The following FAT3 variants were observed in gnomAD, a reference collection of about 807,000 sequenced individuals.
The protein encoded by FAT3 is protocadherin Fat 3.
Under a neutral mutation model 310.2 loss-of-function variants are expected in FAT3, and 95 were observed. The ratio of observed to expected loss-of-function variants is 0.31; its 90% CI spans 0.26 to 0.36. The LOEUF is 0.36. Ranked by LOEUF, FAT3 falls within the 10% of genes least tolerant of loss-of-function variation. FAT3 has a pLI of 1.00. For synonymous variants in FAT3, 2,314 were observed against 2,192.9 expected (o/e 1.06, Z -1.54); for missense variants, 5,408 against 5,715.6 (o/e 0.95, Z 1.74).
rs1387924343 is a variant in FAT3 at position 92,430,971 on chromosome 11, A to G, written c.3292+75567A>G. Among the ~76,000 whole-genome samples, 5 of 152,274 alleles carry G rather than the reference A, an allele frequency of 3.3e-5. No homozygotes were observed. The East Asian group carries it at 7.7e-4, about 24-fold the overall frequency. ...TTGTGAATAGTGCCGCAATAAACAT[A>G]CGTGTGCATGTGTCTTTATAGCAGC... On this transcript the variant is annotated intron_variant, in intron 2 of 27. Coordinates refer to ENST00000525166, the MANE Select transcript of FAT3 (RefSeq NM_001367949.2).
At chr11:92,737,838 G>GT (rs1462536130) in intron 4 of FAT3, among the ~76,000 whole-genome samples, 1 of 152,012 alleles carries the variant, frequency 6.6e-6, no homozygotes, top group East Asian at 1.9e-4. Context: ...GTTCAATTGT[G>GT]TAACAGTGTT....
At chr11:92,622,294 G>A (rs1941124531) in intron 3 of FAT3, among the ~76,000 whole-genome samples, 1 of 149,150 alleles carries the variant, frequency 6.7e-6, no homozygotes. Context: ...AAAAAAAAAT[G>A]GTGGAACATA....
intron 2 of FAT3, among the ~76,000 whole-genome samples, chr11:92,398,500 C>CAAAA: frequency 1.2e-5 from 1 of 80,694 alleles, no homozygotes; most frequent in Non-Finnish European, 2.5e-5. Flanking sequence ...AACTCCGTCC[C>CAAAA]AAAAAAAAAA....
intron 3 of FAT3, among the ~76,000 whole-genome samples, chr11:92,529,836 C>T (rs561156038): frequency 6.6e-6 from 1 of 152,286 alleles, no homozygotes; most frequent in African/African-American, 2.4e-5. Flanking sequence ...CTGGCATCTC[C>T]ACTTGTATTT....
chr11:92,779,131 G>A lies in FAT3; in HGVS notation c.4335+4951G>A, dbSNP rs142639930. Among the ~76,000 whole-genome samples, 209 of 152,210 alleles carry A rather than the reference G, an allele frequency of 1.4e-3. 1 individual carries two copies. The highest frequency in any genetic ancestry group is 4.9e-3 in the African/African-American group (203 of 41,518). Reference sequence around the variant, plus strand: ...TGAGGAATCACAAGGAGCATTGGCTGTTATGAGCAAGGGAGGAATAGAGAG... The same window carrying A: ...TGAGGAATCACAAGGAGCATTGGCTATTATGAGCAAGGGAGGAATAGAGAG... On this transcript the variant is annotated intron_variant, in intron 7 of 27. Coordinates refer to ENST00000525166, the MANE Select transcript of FAT3 (RefSeq NM_001367949.2).
chr11:92,226,236 C>T (rs1055482731), intron 1 of FAT3, among the ~76,000 whole-genome samples: 3 of 152,212 alleles, frequency 2.0e-5, no homozygotes, highest in African/African-American at 7.2e-5. Context: ...CCCCGGCTTG[C>T]ATGATGGCGA....
intron 2 of FAT3, among the ~76,000 whole-genome samples, chr11:92,420,970 A>G (rs2134977472): frequency 2.0e-5 from 3 of 152,260 alleles, no homozygotes; most frequent in Admixed American, 2.0e-4. Flanking sequence ...CTCATAAAAT[A>G]CCCAGTTTGA....
intron 19 of FAT3, among the ~76,000 whole-genome samples, chr11:92,851,132 C>T (rs944042744): frequency 2.6e-5 from 4 of 152,152 alleles, no homozygotes; most frequent in Admixed American, 6.5e-5. Flanking sequence ...AAGCCCCAGG[C>T]TTTATTCTGT....
chr11:92,671,644 A>G (rs1006694990), intron 3 of FAT3, among the ~76,000 whole-genome samples: 5 of 151,986 alleles, frequency 3.3e-5, no homozygotes, highest in African/African-American at 1.2e-4. Flanking sequence ...ATTGTTTCCA[A>G]TCCCATATTT....
Position 92,238,243 on chromosome 11 carries a change from A to T in FAT3, c.-18+13069A>T, listed in dbSNP as rs141058386. On this transcript the variant is annotated intron_variant, in intron 1 of 27. Coordinates refer to ENST00000525166, the MANE Select transcript of FAT3 (RefSeq NM_001367949.2). ...GAGGGCTGAGTATTTTTCTTCAAAAATTATGCTAATTTTACAGTCTGTTCC... is the reference window on the plus strand; with the variant it reads ...GAGGGCTGAGTATTTTTCTTCAAAATTTATGCTAATTTTACAGTCTGTTCC... Among the ~76,000 whole-genome samples the T allele has an allele frequency of 7.0e-3, 1,067 of 152,286 alleles. 15 individuals are homozygous for T. Among genetic ancestry groups the T allele is most frequent in the African/African-American group, 0.024 (1,009 of 41,576 alleles).
chr11:92,431,223 T>G lies in FAT3; in HGVS notation c.3292+75819T>G. Among the ~76,000 whole-genome samples, 3 of 152,350 alleles carry G rather than the reference T, an allele frequency of 2.0e-5. No individual in the cohort carries two copies. In the Middle Eastern group the frequency reaches 0.01, roughly 518 times the overall value. ...TCATTCTAACTGGTGTGAGATGATA[T>G]CTCATTGTGGTTTTGATTTGCATTT... is the stretch of plus-strand genomic sequence containing the variant. On this transcript the variant is annotated intron_variant, in intron 2 of 27. Transcript: ENST00000525166.
intron 2 of FAT3, among the ~76,000 whole-genome samples, chr11:92,395,770 G>C (rs753041860): frequency 3.9e-5 from 6 of 151,904 alleles, no homozygotes; most frequent in Non-Finnish European, 7.4e-5. Context: ...ATAGAGACAG[G>C]GTTTCACCAT....
chr11:92,377,128 AATACAGGCT>A (rs2134744803), intron 2 of FAT3, among the ~76,000 whole-genome samples: 1 of 152,350 alleles, frequency 6.6e-6, no homozygotes, highest in Non-Finnish European at 1.5e-5. Context: ...AGTGAAACCC[AATACAGGCT>A]CATGCATGGG....
Position 92,805,435 on chromosome 11 carries a change from G to A in FAT3, c.9093+86G>A, listed in dbSNP as rs1046033362. On this transcript the variant is annotated intron_variant, in intron 11 of 27. Transcript: ENST00000525166. ...ATTTCACTTTTCTTCTTAAGGCCAGGCAAACTTCTGCTCTTATCTGCAATT... is the reference window on the plus strand; with the variant it reads ...ATTTCACTTTTCTTCTTAAGGCCAGACAAACTTCTGCTCTTATCTGCAATT... The A allele has an allele frequency of 5.7e-6, 8 of 1,400,508 alleles. No homozygotes were observed. In the African/African-American group the frequency reaches 1.0e-4, roughly 18 times the overall value. The allele number at this position is 1,400,508 out of a possible 1,614,324, so 86.8% of individuals were successfully genotyped here.
chr11:92,477,351 G>C (rs1437314878), intron 2 of FAT3, among the ~76,000 whole-genome samples: 1 of 152,192 alleles, frequency 6.6e-6, no homozygotes, highest in Non-Finnish European at 1.5e-5. Flanking sequence ...AATACAAACT[G>C]TCAGACTTCT....
chr11:92,242,433 T>A (rs1453917044), intron 1 of FAT3, among the ~76,000 whole-genome samples: 1 of 151,968 alleles, frequency 6.6e-6, no homozygotes, highest in African/African-American at 2.4e-5. Flanking sequence ...TAAGTGCAAT[T>A]TTTAAAGTAA....
intron 3 of FAT3, among the ~76,000 whole-genome samples, chr11:92,581,660 G>A (rs892839769): frequency 2.0e-5 from 3 of 151,956 alleles, no homozygotes; most frequent in African/African-American, 7.2e-5. Flanking sequence ...GCCAAGGGGG[G>A]GGATTATGCC....
At chr11:92,507,112 G>T (rs984067109) in intron 2 of FAT3, among the ~76,000 whole-genome samples, 2 of 152,162 alleles carry the variant, frequency 1.3e-5, no homozygotes, top group Non-Finnish European at 2.9e-5. Context: ...TCGAAGTCTT[G>T]TCAGTGCCTC....
rs964706630 is a variant in FAT3 at position 92,722,633 on chromosome 11, G to A, written c.3669+25188G>A. ...TCCCTTTCACACTGCCCTAGCAGAG[G>A]TTCTCCATGAGAGCCCCACCCCTGC... On this transcript the variant is annotated intron_variant, in intron 4 of 27. Coordinates refer to ENST00000525166, the MANE Select transcript of FAT3 (RefSeq NM_001367949.2). 6.6e-5 allele frequency among the ~76,000 whole-genome samples: 10 copies of A among 152,184 alleles called. No homozygotes were observed. In the South Asian group the frequency reaches 8.3e-4, roughly 13 times the overall value.
Sources: gnomAD v4.1 joint callset for allele counts (sites outside exome capture counted in the v4.1 genomes callset) on GRCh38, gnomAD v4.1.1 for gene constraint, MANE v1.5 for transcripts, NCBI Gene and HGNC (gene_info 2026-07-23, HGNC 2026-07-21) for gene names.